The following ZNF514 variants were observed in gnomAD, a reference collection of about 807,000 sequenced individuals.
ZNF514 encodes the protein zinc finger protein 514.
Under a neutral mutation model 9.7 loss-of-function variants are expected in ZNF514, and 12 were observed. The observed-to-expected ratio is 1.24, with a 90% CI of 0.79 to 2.01. The LOEUF is 2.01. Among genes scored for constraint, ZNF514 ranks in the 30% most tolerant of loss-of-function variants. The pLI is 0.00. For synonymous variants in ZNF514, 158 were observed against 163.7 expected, an observed-to-expected ratio of 0.97 and a Z score of 0.27; for missense variants, 467 against 465.5, an observed-to-expected ratio of 1.00 and a Z score of -0.03.
rs1297856241 is a variant in ZNF514, at chr2:95,159,288, C to G, written c.-144G>C. The G allele has an allele frequency of 1.7e-5, 3 of 174,754 alleles. No individual in the cohort carries two copies. Among genetic ancestry groups the G allele is most frequent in the African/African-American group, 7.2e-5 (3 of 41,540 alleles). The allele number at this position is 174,754 out of a possible 1,614,324, so 10.8% of individuals were successfully genotyped here. A position where few individuals can be genotyped will look rare whatever the true frequency, so the allele number is the denominator to read the frequency against. The stretch of plus-strand genomic sequence containing the variant: ...ACCAGGCTCTGGAACCCAGCTCCCA[C>G]GTGGATCCACACGCACAGTGGGCTC... On this transcript the variant is annotated 5_prime_UTR_variant, in exon 1 of 5. Transcript: ENST00000295208.
chr2:95,149,973 C>T lies in ZNF514; in HGVS notation c.512G>A (p.Ser171Asn). The change falls in exon 5 of 5, where the codon AGC becomes AAC. Residue 171 changes from serine to asparagine, a missense_variant. Coordinates refer to ENST00000295208, the MANE Select transcript of ZNF514 (RefSeq NM_032788.3). ...GLRSVLVNQHSILMGEGSYKC... is the reference protein window; with the variant it reads ...GLRSVLVNQHNILMGEGSYKC... ...ATAAGATCCTTCTCCCATGAGAATG[C>T]TGTGTTGGTTAACAAGGACTGATCT... The T allele has an allele frequency of 6.2e-7, 1 of 1,614,208 alleles. No individual in the cohort carries two copies. The highest frequency in any genetic ancestry group is 1.3e-5 in the African/African-American group (1 of 75,046).
At chr2:95,128,657 G>A in the ZNF514 span, among the ~76,000 whole-genome samples, 1 of 151,104 alleles carries the variant, frequency 6.6e-6, no homozygotes, top group Admixed American at 6.6e-5. Flanking sequence ...AAAGGAGGAG[G>A]AGGAATAAGG....
At chr2:95,142,960 TC>T (rs1223553632), downstream of ZNF514, among the ~76,000 whole-genome samples, 1 of 152,250 alleles carries the variant, frequency 6.6e-6, no homozygotes, top group Non-Finnish European at 1.5e-5. Context: ...AGCATCTGTG[TC>T]ATTGCTATTA....
downstream of ZNF514, among the ~76,000 whole-genome samples, chr2:95,143,304 G>GTT (rs1673289028): frequency 6.6e-6 from 1 of 152,150 alleles, no homozygotes; most frequent in Admixed American, 6.5e-5. Context: ...ATATTGATTT[G>GTT]TTTGAGGGTG....
rs1324700607 is a variant in ZNF514 at position 95,149,219 on chromosome 2, T to C, written c.*63A>G. 2.7e-6 allele frequency: 4 copies of C among 1,507,572 alleles called. No homozygotes were observed. The highest frequency in any genetic ancestry group is 2.3e-5 in the East Asian group (1 of 44,116). 93.4% of individuals were successfully genotyped at this position (1,507,572 alleles called of 1,614,324 possible). On this transcript the variant is annotated 3_prime_UTR_variant, in exon 5 of 5. Coordinates refer to ENST00000295208, the MANE Select transcript of ZNF514 (RefSeq NM_032788.3). ...ACACCTTTAGGATCTCTCTCTGATA[T>C]GAATTCTTTAAGTTCCAGTGATGTC...
chr2:95,152,626 A>T, intron 4 of ZNF514, 48 bp downstream of exon 4: 2 of 1,539,016 alleles, frequency 1.3e-6, no homozygotes, highest in Non-Finnish European at 1.8e-6. Context: ...GCTACCTCCC[A>T]CCCCAGCTGG....
At chr2:95,133,305 G>C in the ZNF514 span, among the ~76,000 whole-genome samples, 3 of 152,170 alleles carry the variant, frequency 2.0e-5, no homozygotes, top group African/African-American at 7.2e-5. Flanking sequence ...CTGCACTCCA[G>C]CCTGGGCGAC....
In ZNF514 at chr2:95,159,127, C is replaced by A. The variant is rs926603758; in HGVS notation, c.-96+113G>T. 4.6e-6 allele frequency: 4 copies of A among 873,978 alleles called. No individual in the cohort carries two copies. In the South Asian group the frequency reaches 6.2e-5, roughly 14 times the overall value. The allele number at this position is 873,978 out of a possible 1,614,324, so 54.1% of individuals were successfully genotyped here. ...CACGGGGCATCCCCACTAGGCGCGG[C>A]GGGGCCAGCGGACCTGCAGGGCCCA... On this transcript the variant is annotated intron_variant, in intron 1 of 4. Coordinates refer to ENST00000295208, the MANE Select transcript of ZNF514 (RefSeq NM_032788.3).
chr2:95,124,704 G>A, the ZNF514 span, among the ~76,000 whole-genome samples: 19 of 151,902 alleles, frequency 1.3e-4, no homozygotes, highest in Non-Finnish European at 2.4e-4. Context: ...GTTCCACCAT[G>A]TTGGCCAGGC....
Position 95,146,893 on chromosome 2 carries a change from T to C in ZNF514, c.*2389A>G, listed in dbSNP as rs188237499. Among the ~76,000 whole-genome samples the C allele has an allele frequency of 1.3e-3, 203 of 152,142 alleles. No individual in the cohort carries two copies. Among genetic ancestry groups the C allele is most frequent in the African/African-American group, 4.4e-3 (183 of 41,492 alleles). ...TTGGCTGTCCAGGAATAAATTTCTG[T>C]GTGATCTTGACCTCAGCTGTCCAAG... On this transcript the variant is annotated 3_prime_UTR_variant, in exon 5 of 5. Coordinates refer to ENST00000295208, the MANE Select transcript of ZNF514 (RefSeq NM_032788.3).
chr2:95,141,885 T>A (rs1673239955), downstream of ZNF514, among the ~76,000 whole-genome samples: 1 of 152,208 alleles, frequency 6.6e-6, no homozygotes. Flanking sequence ...ACATAGCTGA[T>A]CTTCAGAACT....
Position 95,149,546 on chromosome 2 carries a change from T to C in ZNF514, c.939A>G (p.Glu313=). ...CACATTCCCGGCATTCATAGGGCTTTTCTCCAGTATGAGTCCTCTGATGCT... is the reference window on the plus strand; with the variant it reads ...CACATTCCCGGCATTCATAGGGCTTCTCTCCAGTATGAGTCCTCTGATGCT... ...LIKHQRTHTG[E]KPYECRECGR... Residue 313 remains glutamate, a synonymous_variant, in exon 5 of 5, where the codon GAA becomes GAG. Coordinates refer to ENST00000295208, the MANE Select transcript of ZNF514 (RefSeq NM_032788.3). 6.2e-7 allele frequency: 1 copy of C among 1,614,088 alleles called. No individual in the cohort carries two copies. The highest frequency in any genetic ancestry group is 8.5e-7 in the Non-Finnish European group (1 of 1,179,988).
At chr2:95,140,618 A>AAT (rs373216299), downstream of ZNF514, among the ~76,000 whole-genome samples, 2,546 of 149,830 alleles carry the variant, frequency 0.017, 33 homozygotes, top group Non-Finnish European at 0.026. Flanking sequence ...ATCTTGAAAA[A>AAT]ATATATATAT....
intron 1 of ZNF514, among the ~76,000 whole-genome samples, chr2:95,158,485 G>A (rs1374898671): frequency 2.0e-5 from 3 of 152,234 alleles, no homozygotes; most frequent in Non-Finnish European, 4.4e-5. Flanking sequence ...ATTGGGGGAA[G>A]GGGCTCAGAG....
the ZNF514 span, among the ~76,000 whole-genome samples, chr2:95,126,392 A>AAAAAAAAAAAAAAAAAAAAAAAG: frequency 2.4e-5 from 2 of 84,444 alleles, no homozygotes; most frequent in African/African-American, 5.6e-5. Flanking sequence ...AAAAAAAAAA[A>AAAAAAAAAAAAAAAAAAAAAAAG]AAAGAAAGAA....
chr2:95,158,738 C>T, intron 1 of ZNF514: 1 of 1,066,312 alleles, frequency 9.4e-7, no homozygotes, highest in Non-Finnish European at 1.2e-6. Flanking sequence ...CATGGCCATC[C>T]CCTCCACCTC....
At chr2:95,151,354 T>C (rs1345073846) in intron 4 of ZNF514, among the ~76,000 whole-genome samples, 2 of 152,198 alleles carry the variant, frequency 1.3e-5, no homozygotes, top group African/African-American at 4.8e-5. Context: ...TGGCAGTCTC[T>C]AGAAGCTGGG....
At chr2:95,130,546 G>A in the ZNF514 span, among the ~76,000 whole-genome samples, 4 of 152,282 alleles carry the variant, frequency 2.6e-5, no homozygotes, top group Admixed American at 1.3e-4. Flanking sequence ...CGGGGGGGCC[G>A]GTTCAGAGAC....
the ZNF514 span, among the ~76,000 whole-genome samples, chr2:95,130,801 A>G: frequency 6.6e-6 from 1 of 152,220 alleles, no homozygotes; most frequent in South Asian, 2.1e-4. Context: ...TTTGTAGTTA[A>G]TGCAATTATT....
Sources: gnomAD v4.1 joint callset for allele counts (sites outside exome capture counted in the v4.1 genomes callset) on GRCh38, gnomAD v4.1.1 for gene constraint, MANE v1.5 for transcripts, NCBI Gene and HGNC (gene_info 2026-07-23, HGNC 2026-07-21) for gene names.